The following PCDHA5 variants were observed in gnomAD, a reference collection of about 807,000 sequenced individuals.
PCDHA5 encodes protocadherin alpha-5.
In PCDHA5, 43 loss-of-function variants were observed where a neutral mutation model predicts 61.6. The ratio of observed to expected loss-of-function variants is 0.70; its 90% CI spans 0.55 to 0.90. The LOEUF (loss-of-function observed/expected upper bound fraction) is 0.90, where lower values mean the gene tolerates loss of function less well. Among genes scored for constraint, PCDHA5 ranks in the 40% least tolerant of loss-of-function variants. The pLI is 0.00. For synonymous variants in PCDHA5, 627 were observed against 543.9 expected (o/e 1.15, Z -2.13); for missense variants, 1,298 against 1,222.7 (o/e 1.06, Z -0.92).
intron 1 of PCDHA5, chr5:140,856,749 C>A (rs146132566): frequency 1.3e-6 from 2 of 1,595,860 alleles, no homozygotes; most frequent in East Asian, 2.2e-5. Context: ...GTGTTAGATG[C>A]CAATGATAAC....
At chr5:140,899,405 T>G (rs1369333627) in intron 1 of PCDHA5, among the ~76,000 whole-genome samples, 3 of 152,204 alleles carry the variant, frequency 2.0e-5, no homozygotes, top group Non-Finnish European at 4.4e-5. Flanking sequence ...CATGAAGGGT[T>G]GTTGAATTTT....
chr5:140,922,465 T>G (rs116670359), intron 1 of PCDHA5, among the ~76,000 whole-genome samples: 1 of 152,190 alleles, frequency 6.6e-6, no homozygotes, highest in African/African-American at 2.4e-5. Flanking sequence ...CAACACAAAA[T>G]AGGAGAGAAG....
intron 3 of PCDHA5, among the ~76,000 whole-genome samples, chr5:140,994,257 G>A (rs1232863771): frequency 6.6e-6 from 1 of 152,122 alleles, no homozygotes; most frequent in East Asian, 1.9e-4. Context: ...AGGTAAATAA[G>A]GTAAGCTAGG....
At chr5:140,907,995 C>T (rs1441720086) in intron 1 of PCDHA5, among the ~76,000 whole-genome samples, 9 of 152,166 alleles carry the variant, frequency 5.9e-5, no homozygotes, top group African/African-American at 1.9e-4. Flanking sequence ...AGTCCTTAAC[C>T]ATCCAGCCAA....
In PCDHA5 at chr5:141,010,181, C is replaced by G; in HGVS notation, c.*244C>G. The G allele has an allele frequency of 2.6e-6, 4 of 1,554,386 alleles. No individual in the cohort carries two copies. Among genetic ancestry groups the G allele is most frequent in the Non-Finnish European group, 3.5e-6 (4 of 1,148,120 alleles). On this transcript the variant is annotated 3_prime_UTR_variant, in exon 4 of 4. Transcript: ENST00000529859. ...TTGTTTTCAGAACCTAAAAAGCAGA[C>G]CCAAGTTTCCTTTCTCCTCCGCCGC... is the stretch of plus-strand genomic sequence containing the variant.
rs1360851482 is a variant in PCDHA5, at chr5:140,821,904, C to A, written c.129C>A (p.Phe43Leu). 2 of 1,614,102 alleles carry A rather than the reference C, an allele frequency of 1.2e-6. No individual in the cohort carries two copies. Among genetic ancestry groups the A allele is most frequent in the Non-Finnish European group, 1.7e-6 (2 of 1,180,048 alleles). ...CGGAGGAAGCCAAACACGGAACCTTCGTTGGCCGCATCGCGCAGGACCTAG... is the reference window on the plus strand; with the variant it reads ...CGGAGGAAGCCAAACACGGAACCTTAGTTGGCCGCATCGCGCAGGACCTAG... ...SIPEEAKHGTFVGRIAQDLGL... is the reference protein window; with the variant it reads ...SIPEEAKHGTLVGRIAQDLGL... The change falls in exon 1 of 4, where the codon TTC (phenylalanine) becomes TTA (leucine). Residue 43 changes from phenylalanine to leucine, a missense_variant. By Grantham distance (22) the Phe-to-Leu change is conservative. Coordinates refer to ENST00000529859, the MANE Select transcript of PCDHA5 (RefSeq NM_018908.3).
At chr5:140,918,848 G>T (rs2078891260) in intron 1 of PCDHA5, among the ~76,000 whole-genome samples, 1 of 152,134 alleles carries the variant, frequency 6.6e-6, no homozygotes, top group Admixed American at 6.5e-5. Flanking sequence ...TAAATCTGCT[G>T]GTGCCTGAAT....
At position 140,822,195 on chromosome 5, in the gene PCDHA5, CATTTTA is replaced by C. The variant is rs2150114492; in HGVS notation, c.421_426del (p.Ile141_Leu142del). 6.2e-7 allele frequency: 1 copy of C among 1,614,118 alleles called. No individual in the cohort carries two copies. Among genetic ancestry groups the C allele is most frequent in the Non-Finnish European group, 8.5e-7 (1 of 1,180,054 alleles). ...TCTCCAGACAAGAACAAAGATTATTCATTTTAGAGTCAAGAATGCCAGATTCGCGGT... is the reference window on the plus strand; with the variant it reads ...TCTCCAGACAAGAACAAAGATTATTCGAGTCAAGAATGCCAGATTCGCGGT... On this transcript the variant is annotated inframe_deletion, in exon 1 of 4. Transcript: ENST00000529859.
rs1554131961 is a variant in PCDHA5, at chr5:140,829,444, T to C, written c.2352+5317T>C. On this transcript the variant is annotated intron_variant, in intron 1 of 3. Coordinates refer to ENST00000529859, the MANE Select transcript of PCDHA5 (RefSeq NM_018908.3). Reference sequence around the variant, plus strand: ...TGGAGGTGGCCGACATGAATGACAATGCTCCGGCGTTCGCGCAGCCCGAGT... The same window carrying C: ...TGGAGGTGGCCGACATGAATGACAACGCTCCGGCGTTCGCGCAGCCCGAGT... 6.8e-6 allele frequency: 11 copies of C among 1,613,940 alleles called. No homozygotes were observed. The East Asian group carries it at 1.3e-4, about 20-fold the overall frequency.
At chr5:140,888,613 A>C (rs782529480) in intron 1 of PCDHA5, among the ~76,000 whole-genome samples, 4 of 152,184 alleles carry the variant, frequency 2.6e-5, no homozygotes, top group Non-Finnish European at 5.9e-5. Flanking sequence ...TTAGTGTAGC[A>C]CTAATTCGGC....
At chr5:140,969,522 T>C in intron 1 of PCDHA5, 5 of 1,397,290 alleles carry the variant, frequency 3.6e-6, no homozygotes, top group Non-Finnish European at 4.7e-6. Context: ...AAGAATTGTT[T>C]TATTTTTCAT....
At chr5:140,832,340 G>T (rs2150201175) in intron 1 of PCDHA5, among the ~76,000 whole-genome samples, 2 of 152,234 alleles carry the variant, frequency 1.3e-5, no homozygotes, top group African/African-American at 4.8e-5. Flanking sequence ...ACTGAGTTGT[G>T]GTTTGTGTTT....
chr5:140,855,994 G>A (rs941733432), intron 1 of PCDHA5: 1 of 1,498,182 alleles, frequency 6.7e-7, no homozygotes, highest in Non-Finnish European at 9.0e-7. Flanking sequence ...ATGTCAGATC[G>A]TATGTGCGTT....
chr5:141,001,999 A>G (rs1554258445), intron 3 of PCDHA5, among the ~76,000 whole-genome samples: 1 of 152,198 alleles, frequency 6.6e-6, no homozygotes, highest in African/African-American at 2.4e-5. Flanking sequence ...TTCACTTGCA[A>G]ACACAGAATC....
At chr5:140,998,415 C>T (rs1554256243) in intron 3 of PCDHA5, among the ~76,000 whole-genome samples, 1 of 152,158 alleles carries the variant, frequency 6.6e-6, no homozygotes, top group African/African-American at 2.4e-5. Context: ...GTTTATCTAC[C>T]TGGTTTATCC....
intron 1 of PCDHA5, among the ~76,000 whole-genome samples, chr5:140,873,979 T>C (rs1210499789): frequency 6.6e-6 from 1 of 152,156 alleles, no homozygotes; most frequent in Non-Finnish European, 1.5e-5. Context: ...AAAATTAAAG[T>C]TCCTTAGCAT....
intron 1 of PCDHA5, among the ~76,000 whole-genome samples, chr5:140,826,104 A>G (rs1481696647): frequency 2.0e-5 from 3 of 152,168 alleles, no homozygotes; most frequent in African/African-American, 7.2e-5. Context: ...CTATCATGCT[A>G]TTTATATATT....
At chr5:140,883,911 A>G (rs2059884661) in intron 1 of PCDHA5, 2 of 1,613,034 alleles carry the variant, frequency 1.2e-6, no homozygotes, top group Non-Finnish European at 8.5e-7. Flanking sequence ...CTGGGCAGCA[A>G]CGTGACGCTG....
intron 1 of PCDHA5, chr5:140,834,286 C>A: frequency 2.6e-6 from 3 of 1,172,442 alleles, no homozygotes; most frequent in Non-Finnish European, 2.4e-6. Flanking sequence ...GGATGCACAA[C>A]AATGGCCACA....
Sources: allele counts gnomAD v4.1 joint callset (sites outside exome capture counted in the v4.1 genomes callset), GRCh38; gene constraint gnomAD v4.1.1; transcripts MANE v1.5; gene names NCBI Gene and HGNC (gene_info 2026-07-23, HGNC 2026-07-21).